CPNE8: variants seen among roughly 807,000 people sequenced by gnomAD.
CPNE8 encodes copine 8.
CPNE8 carries 45 observed loss-of-function variants against 81.5 expected under a neutral mutation model. That is an observed-to-expected ratio of 0.55 (90% CI 0.44 to 0.71). CPNE8 has a LOEUF of 0.71. Among genes scored for constraint, CPNE8 ranks in the 30% least tolerant of loss-of-function variants. The pLI, the probability that CPNE8 is intolerant of heterozygous loss-of-function variation, is 0.00. For synonymous variants in CPNE8, 252 were observed against 226.3 expected (o/e 1.11, Z -1.02); for missense variants, 594 against 672.1 (o/e 0.88, Z 1.28).
intron 3 of CPNE8, among the ~76,000 whole-genome samples, chr12:38,869,317 T>A (rs957693640): frequency 2.0e-5 from 3 of 152,198 alleles, no homozygotes; most frequent in Non-Finnish European, 4.4e-5. Flanking sequence ...AGAATTATAA[T>A]GTATCCTTAA....
At chr12:38,713,515 G>C (rs1940313468) in intron 13 of CPNE8, among the ~76,000 whole-genome samples, 1 of 152,070 alleles carries the variant, frequency 6.6e-6, no homozygotes, top group Non-Finnish European at 1.5e-5. Context: ...ATCGCAAATT[G>C]ATAAAATCTG....
At chr12:38,763,295 G>C (rs1941610945) in intron 8 of CPNE8, among the ~76,000 whole-genome samples, 1 of 152,220 alleles carries the variant, frequency 6.6e-6, no homozygotes, top group South Asian at 2.1e-4. Flanking sequence ...GTGGGATCAT[G>C]AGGAAGCTCT....
At chr12:38,758,862 T>C (rs1592065324) in intron 10 of CPNE8, among the ~76,000 whole-genome samples, 1 of 152,178 alleles carries the variant, frequency 6.6e-6, no homozygotes, top group Middle Eastern at 3.4e-3. Flanking sequence ...TTGGAGACAA[T>C]AGGAGAGTCA....
chr12:38,772,776 G>T (rs1046447746), intron 7 of CPNE8, among the ~76,000 whole-genome samples: 1 of 152,094 alleles, frequency 6.6e-6, no homozygotes, highest in Non-Finnish European at 1.5e-5. Flanking sequence ...TATATCCAAA[G>T]AAAGAGACTG....
intron 6 of CPNE8, among the ~76,000 whole-genome samples, chr12:38,795,863 G>GGACGGATAGATAGATA (rs1555160615): frequency 4.2e-5 from 1 of 23,994 alleles, no homozygotes; most frequent in Non-Finnish European, 1.3e-4. Context: ...ATAGATGGAT[G>GGACGGATAGATAGATA]GATGGATAGA....
At chr12:38,869,202 A>G (rs1943956424) in intron 3 of CPNE8, among the ~76,000 whole-genome samples, 1 of 152,030 alleles carries the variant, frequency 6.6e-6, no homozygotes, top group African/African-American at 2.4e-5. Context: ...TTTCCCATCA[A>G]CTGCTGGGCT....
intron 16 of CPNE8, chr12:38,679,603 CCATTTTA>C (rs1325753921): frequency 2.0e-6 from 2 of 984,878 alleles, no homozygotes; most frequent in Non-Finnish European, 2.4e-6. Context: ...TCTGTCCAAT[CCATTTTA>C]GTCTTTATCA....
intron 1 of CPNE8, among the ~76,000 whole-genome samples, chr12:38,891,104 A>AT (rs888328522): frequency 4.0e-5 from 6 of 151,438 alleles, no homozygotes; most frequent in Admixed American, 2.0e-4. Flanking sequence ...AAATTTTTGT[A>AT]TTTTTTAGTA....
At chr12:38,705,982 G>T (rs907801637) in intron 13 of CPNE8, among the ~76,000 whole-genome samples, 5 of 151,910 alleles carry the variant, frequency 3.3e-5, no homozygotes, top group Admixed American at 3.3e-4. Flanking sequence ...TACATGGCTT[G>T]TACCAGTTAA....
rs1444603163 is a variant in CPNE8, at chr12:38,778,659, T to C, written c.408-2358A>G. Among the ~76,000 whole-genome samples the C allele has an allele frequency of 2.0e-5, 3 of 152,234 alleles. No individual in the cohort carries two copies. The East Asian group carries it at 5.8e-4, about 29-fold the overall frequency. On this transcript the variant is annotated intron_variant, in intron 6 of 19. Coordinates refer to ENST00000331366, the MANE Select transcript of CPNE8 (RefSeq NM_153634.3). ...TCAGCCTTTTCTGCTTTCCTATTGA[T>C]GTTAAAGTCAATACTGCAAGGTTTA...
At chr12:38,766,031 TGTATTTTTA>T (rs1403715739) in intron 8 of CPNE8, among the ~76,000 whole-genome samples, 3 of 152,138 alleles carry the variant, frequency 2.0e-5, no homozygotes, top group Non-Finnish European at 4.4e-5. Flanking sequence ...GCTAATTTTT[TGTATTTTTA>T]GTAGAGACAG....
Position 38,725,770 on chromosome 12 carries a change from G to A in CPNE8, c.799-871C>T, listed in dbSNP as rs141504576. 1.1e-3 allele frequency among the ~76,000 whole-genome samples: 163 copies of A among 152,336 alleles called. No homozygotes were observed. In the East Asian group the frequency reaches 0.025, roughly 24 times the overall value. ...GAGAGCCCACACAACCGGATCAGAAGTGAATCTGAAAAAATAAGCTGAGGC... is the reference window on the plus strand; with the variant it reads ...GAGAGCCCACACAACCGGATCAGAAATGAATCTGAAAAAATAAGCTGAGGC... On this transcript the variant is annotated intron_variant, in intron 11 of 19. Transcript: ENST00000331366.
chr12:38,893,738 CT>C (rs1944345602), intron 1 of CPNE8, among the ~76,000 whole-genome samples: 2 of 152,170 alleles, frequency 1.3e-5, no homozygotes, highest in South Asian at 2.1e-4. Flanking sequence ...TTCCCTATTA[CT>C]TTTTCTTCAC....
intron 6 of CPNE8, among the ~76,000 whole-genome samples, chr12:38,787,938 T>A (rs1592088539): frequency 4.6e-5 from 3 of 64,808 alleles, no homozygotes; most frequent in Non-Finnish European, 6.2e-5. Context: ...GTAAGGAAAG[T>A]AAGGAGACTG....
chr12:38,901,646 G>A (rs536287787), intron 1 of CPNE8, among the ~76,000 whole-genome samples: 2 of 152,270 alleles, frequency 1.3e-5, no homozygotes, highest in African/African-American at 4.8e-5. Flanking sequence ...AGACGAAGGA[G>A]GTCAAATAGC....
intron 6 of CPNE8, among the ~76,000 whole-genome samples, chr12:38,802,640 G>A (rs895294498): frequency 6.6e-5 from 10 of 151,040 alleles, no homozygotes; most frequent in Non-Finnish European, 1.0e-4. Context: ...CTGGCAGAAG[G>A]CAAGAAATAA....
intron 3 of CPNE8, among the ~76,000 whole-genome samples, chr12:38,859,764 TCA>T (rs954822178): frequency 2.6e-5 from 4 of 152,170 alleles, no homozygotes; most frequent in Admixed American, 2.6e-4. Flanking sequence ...ATAAATAAAT[TCA>T]CACAGAGATG....
chr12:38,816,000 C>T (rs1266714299), intron 6 of CPNE8, among the ~76,000 whole-genome samples: 1 of 152,088 alleles, frequency 6.6e-6, no homozygotes, highest in Non-Finnish European at 1.5e-5. Flanking sequence ...AATTGTTGTG[C>T]TCTGATAACT....
rs1296000228 is a variant in CPNE8 at position 38,896,352 on chromosome 12, A to G, written c.98+9085T>C. On this transcript the variant is annotated intron_variant, in intron 1 of 19. Transcript: ENST00000331366. ...TAATGGTCCTGGCTGGAGAGGCACT[A>G]ACACTGAATGTTGTCATTAAGTTTG... is the stretch of plus-strand genomic sequence containing the variant. Among the ~76,000 whole-genome samples, 3 of 152,106 alleles carry G rather than the reference A, an allele frequency of 2.0e-5. No homozygotes were observed. The East Asian group carries it at 5.8e-4, about 29-fold the overall frequency.
Sources: gnomAD v4.1 joint callset for allele counts (sites outside exome capture counted in the v4.1 genomes callset) on GRCh38, gnomAD v4.1.1 for gene constraint, MANE v1.5 for transcripts, NCBI Gene and HGNC (gene_info 2026-07-23, HGNC 2026-07-21) for gene names.